The following NEK11 variants were observed in gnomAD, a reference collection of about 807,000 sequenced individuals.
The protein encoded by NEK11 is NIMA related kinase 11.
Under a neutral mutation model 80.7 loss-of-function variants are expected in NEK11, and 72 were observed. That is an observed-to-expected ratio of 0.89 (90% CI 0.74 to 1.08). The LOEUF (loss-of-function observed/expected upper bound fraction) is 1.08, where lower values mean the gene tolerates loss of function less well. Among genes scored for constraint, NEK11 ranks in the 50% least tolerant of loss-of-function variants. The pLI is 0.00. For missense variants in NEK11, 764 were observed against 763.6 expected, an observed-to-expected ratio of 1.00 and a Z score of -0.01; for synonymous variants, 251 against 260.7, an observed-to-expected ratio of 0.96 and a Z score of 0.36.
intron 7 of NEK11, among the ~76,000 whole-genome samples, chr3:131,135,286 GT>G (rs1362256390): frequency 1.3e-5 from 2 of 151,978 alleles, no homozygotes; most frequent in Admixed American, 6.6e-5. Context: ...TTATTCACGT[GT>G]TTTTTTCATC....
intron 14 of NEK11, among the ~76,000 whole-genome samples, chr3:131,221,952 A>T (rs1189033922): frequency 2.0e-5 from 3 of 152,092 alleles, no homozygotes; most frequent in African/African-American, 4.8e-5. Flanking sequence ...TCTGAGGCAC[A>T]CTCAAGTTTG....
At chr3:131,154,965 C>G (rs906493214) in intron 9 of NEK11, 71 bp from the exon 10 acceptor site, 4 of 907,940 alleles carry the variant, frequency 4.4e-6, no homozygotes, top group Non-Finnish European at 7.1e-6. Flanking sequence ...TGAAAAGATT[C>G]TTGGTAATTT....
At chr3:131,170,910 A>G (rs753079252) in intron 14 of NEK11, 23 bp downstream of exon 14, 7 of 1,549,726 alleles carry the variant, frequency 4.5e-6, no homozygotes, top group Middle Eastern at 1.7e-4. Context: ...ATTGATTTTC[A>G]GAAGGATGCT....
intron 10 of NEK11, among the ~76,000 whole-genome samples, chr3:131,160,982 AG>A (rs2149922706): frequency 6.6e-6 from 1 of 152,250 alleles, no homozygotes; most frequent in East Asian, 1.9e-4. Flanking sequence ...CAAGAGATCG[AG>A]ACCATCCTGG....
chr3:131,089,520 C>G (rs1224477995), intron 4 of NEK11, among the ~76,000 whole-genome samples: 1 of 152,126 alleles, frequency 6.6e-6, no homozygotes, highest in East Asian at 1.9e-4. Flanking sequence ...CTCACTGTAA[C>G]CTCTGCCTCC....
intron 10 of NEK11, among the ~76,000 whole-genome samples, chr3:131,158,849 C>A (rs1292783091): frequency 6.6e-6 from 1 of 152,224 alleles, no homozygotes; most frequent in Non-Finnish European, 1.5e-5. Context: ...TCTGCTGCCA[C>A]CATCCTACAA....
At chr3:131,031,285 A>G (rs1401521352) in intron 3 of NEK11, among the ~76,000 whole-genome samples, 1 of 152,236 alleles carries the variant, frequency 6.6e-6, no homozygotes, top group Non-Finnish European at 1.5e-5. Flanking sequence ...TGATGTCCTT[A>G]GAACATGCAT....
chr3:131,050,193 T>G (rs894662117), intron 3 of NEK11, among the ~76,000 whole-genome samples: 1 of 152,232 alleles, frequency 6.6e-6, no homozygotes, highest in Non-Finnish European at 1.5e-5. Context: ...CATAATTCTT[T>G]ATTACAACGA....
At chr3:131,281,400 T>C (rs1257438946) in intron 17 of NEK11, among the ~76,000 whole-genome samples, 1 of 152,236 alleles carries the variant, frequency 6.6e-6, no homozygotes, top group Admixed American at 6.6e-5. Context: ...TATTTAGTAA[T>C]ATATGCTGGA....
At chr3:131,266,318 T>A (rs1378967035) in intron 16 of NEK11, among the ~76,000 whole-genome samples, 2 of 152,138 alleles carry the variant, frequency 1.3e-5, no homozygotes, top group Non-Finnish European at 2.9e-5. Context: ...AATTTGAGAT[T>A]TTTCCTGCTT....
At chr3:131,223,651 A>G (rs1260924910) in intron 14 of NEK11, among the ~76,000 whole-genome samples, 1 of 152,248 alleles carries the variant, frequency 6.6e-6, no homozygotes, top group South Asian at 2.1e-4. Context: ...TGTGACAGAG[A>G]CCACGTAATC....
At chr3:131,116,059 G>C (rs2149409425) in intron 5 of NEK11, among the ~76,000 whole-genome samples, 1 of 151,326 alleles carries the variant, frequency 6.6e-6, no homozygotes, top group South Asian at 2.1e-4. Context: ...CATGTGCCAT[G>C]TTGGTGTGCT....
chr3:131,162,321 T>C, intron 10 of NEK11, 87 bp from the exon 11 acceptor site: 1 of 1,514,452 alleles, frequency 6.6e-7, no homozygotes, highest in Non-Finnish European at 8.9e-7. Context: ...CTCTCAGTAG[T>C]GTAGTGATAC....
intron 14 of NEK11, among the ~76,000 whole-genome samples, chr3:131,190,465 TAA>T (rs900218485): frequency 6.6e-6 from 1 of 152,172 alleles, no homozygotes; most frequent in African/African-American, 2.4e-5. Flanking sequence ...TCTGGTTGTT[TAA>T]AAGAGTGTAG....
chr3:131,301,327 G>A (rs2096658963), intron 17 of NEK11, among the ~76,000 whole-genome samples: 1 of 152,104 alleles, frequency 6.6e-6, no homozygotes, highest in Admixed American at 6.6e-5. Context: ...TCTACAAACA[G>A]ATAGTTTGAT....
intron 14 of NEK11, among the ~76,000 whole-genome samples, chr3:131,198,329 G>A (rs1209472038): frequency 2.0e-5 from 3 of 152,196 alleles, no homozygotes; most frequent in African/African-American, 7.2e-5. Flanking sequence ...GCATAGGTTT[G>A]AGCAATTACT....
At chr3:131,265,999 C>T (rs1279906663) in intron 16 of NEK11, among the ~76,000 whole-genome samples, 1 of 152,144 alleles carries the variant, frequency 6.6e-6, no homozygotes, top group Non-Finnish European at 1.5e-5. Context: ...AGTTTATTTG[C>T]ATAGAGGTGT....
In NEK11 at chr3:131,343,724, G is replaced by A. The variant is rs140939989; in HGVS notation, c.1719-5833G>A. 4.9e-3 allele frequency among the ~76,000 whole-genome samples: 740 copies of A among 152,308 alleles called. 10 individuals are homozygous for A. The highest frequency in any genetic ancestry group is 0.017 in the African/African-American group (692 of 41,568). On this transcript the variant is annotated intron_variant, in intron 17 of 17. Coordinates refer to ENST00000383366, the MANE Select transcript of NEK11 (RefSeq NM_024800.5). Reference sequence around the variant, plus strand: ...CCAGAGCTTATGGCTTGCACCCTCTGGAGCTCTGGCCTAAGCTGGACCTCT... The same window carrying A: ...CCAGAGCTTATGGCTTGCACCCTCTAGAGCTCTGGCCTAAGCTGGACCTCT...
chr3:131,157,921 C>T (rs1216684113), intron 10 of NEK11, among the ~76,000 whole-genome samples: 2 of 152,080 alleles, frequency 1.3e-5, no homozygotes, highest in South Asian at 4.2e-4. Context: ...GGGCAGCACA[C>T]CAGCTGATGT....
Sources: allele counts gnomAD v4.1 joint callset (sites outside exome capture counted in the v4.1 genomes callset), GRCh38; gene constraint gnomAD v4.1.1; transcripts MANE v1.5; gene names NCBI Gene and HGNC (gene_info 2026-07-23, HGNC 2026-07-21).